The following UPF1 variants were observed in gnomAD, a reference collection of about 807,000 sequenced individuals.
The protein encoded by UPF1 is regulator of nonsense transcripts 1.
A neutral mutation model predicts 129.2 loss-of-function variants in UPF1; 9 were observed. The ratio of observed to expected loss-of-function variants is 0.07; its 90% CI spans 0.04 to 0.12. UPF1 has a LOEUF of 0.12. UPF1 is among the 10% of genes least tolerant of loss of function. UPF1 has a pLI of 1.00. For synonymous variants in UPF1, 649 were observed against 644.9 expected, an observed-to-expected ratio of 1.01 and a Z score of -0.10; for missense variants, 788 against 1,525.3, an observed-to-expected ratio of 0.52 and a Z score of 8.05.
chr19:18,841,117 T>C (rs1394787068), intron 1 of UPF1, among the ~76,000 whole-genome samples: 1 of 152,278 alleles, frequency 6.6e-6, no homozygotes, highest in African/African-American at 2.4e-5. Context: ...TGCGCATAGC[T>C]TGCAGCCCTG....
rs745611997 is a variant in UPF1 at position 18,853,233 on chromosome 19, C to CA, written c.1058-19_1058-18insA. Reference sequence around the variant, plus strand: ...GGCGTGGGTTAAAATGGCCACCTCTCTCACTTTTTTACCTCAAGACATGCG... The same window carrying CA: ...GGCGTGGGTTAAAATGGCCACCTCTCATCACTTTTTTACCTCAAGACATGCG... On this transcript the variant is annotated intron_variant, in intron 7 of 23. Coordinates refer to ENST00000262803, the MANE Select transcript of UPF1 (RefSeq NM_002911.4). The surrounding 1 kb of genome is among the most constrained non-coding windows in gnomAD (Gnocchi z 4.4). 2 of 1,605,592 alleles carry CA rather than the reference C, an allele frequency of 1.2e-6. No individual in the cohort carries two copies. Among genetic ancestry groups the CA allele is most frequent in the Non-Finnish European group, 1.7e-6 (2 of 1,174,856 alleles).
intron 18 of UPF1, 194 bp from the exon 19 acceptor site, chr19:18,863,244 A>G (rs991532979): frequency 4.6e-6 from 3 of 654,404 alleles, no homozygotes; most frequent in African/African-American, 1.8e-5. Flanking sequence ...CACAAAATCA[A>G]CCCGTGTGCA....
intron 3 of UPF1, 186 bp from the exon 4 acceptor site, chr19:18,849,889 T>G: frequency 1.5e-6 from 1 of 649,166 alleles, no homozygotes; most frequent in Non-Finnish European, 2.6e-6. Context: ...TTGGGATTGA[T>G]TTTTGTGCTC....
At chr19:18,849,016 C>G (rs908252733) in intron 3 of UPF1, 4 of 152,260 alleles carry the variant, frequency 2.6e-5, no homozygotes, top group African/African-American at 9.7e-5. Context: ...GCATTCTGTG[C>G]GAGGCCCAGG....
Position 18,847,778 on chromosome 19 carries a change from T to C in UPF1, c.406T>C (p.Tyr136His), listed in dbSNP as rs777749373. 6.2e-7 allele frequency: 1 copy of C among 1,614,228 alleles called. No individual in the cohort carries two copies. Among genetic ancestry groups the C allele is most frequent in the Non-Finnish European group, 8.5e-7 (1 of 1,180,034 alleles). The change falls in exon 3 of 24, where the codon TAC (tyrosine) becomes CAC (histidine). Residue 136 changes from tyrosine (Y) to histidine (H), a missense_variant. By Grantham distance (83) the Tyr-to-His change is moderately conservative. Transcript: ENST00000262803. ...CGIHDPACVV[Y>H]CNTSKKWFCN... ...AATACACGATCCTGCCTGCGTGGTT[T>C]ACTGTAATACCAGCAAGAAGTGGTT...
At chr19:18,862,319 G>A (rs577781558) in intron 18 of UPF1, among the ~76,000 whole-genome samples, 167 bp downstream of exon 18, 1 of 152,134 alleles carries the variant, frequency 6.6e-6, no homozygotes, top group Admixed American at 6.5e-5. Flanking sequence ...TGTCCTGGGG[G>A]TTTGCTGTGG....
intron 1 of UPF1, among the ~76,000 whole-genome samples, chr19:18,834,911 C>T (rs1019356375): frequency 1.3e-5 from 2 of 152,038 alleles, no homozygotes; most frequent in Non-Finnish European, 2.9e-5. Context: ...TGTCAAGTGC[C>T]CTGCAGTCAC....
intron 17 of UPF1, among the ~76,000 whole-genome samples, chr19:18,861,758 G>T (rs577884769): frequency 1.3e-5 from 2 of 152,308 alleles, no homozygotes; most frequent in Non-Finnish European, 2.9e-5. Context: ...AGCCTGGGAG[G>T]TCAAGGCTGC....
chr19:18,854,920 C>T lies in UPF1; in HGVS notation c.1307C>T (p.Ser436Leu). ...AAAACGTTTGCCGTGGATGAGACCT[C>T]GGTGTCTGGCTACATCTACCACAAG... Reference protein sequence around the residue: ...ALKTFAVDETSVSGYIYHKLL... With the variant: ...ALKTFAVDETLVSGYIYHKLL... Residue 436 changes from serine to leucine, a missense_variant, in exon 10 of 24, where the codon TCG (serine) becomes TTG (leucine). This residue lies in a region of UPF1 where 227 missense variants were observed against 517.9 expected (regional missense o/e 0.44). Transcript: ENST00000262803. 1 of 1,614,258 alleles carries T rather than the reference C, an allele frequency of 6.2e-7. No homozygotes were observed. The highest frequency in any genetic ancestry group is 8.5e-7 in the Non-Finnish European group (1 of 1,180,046).
At chr19:18,847,953 C>A in intron 3 of UPF1, 120 bp downstream of exon 3, 1 of 1,020,162 alleles carries the variant, frequency 9.8e-7, no homozygotes, top group African/African-American at 1.6e-5. Context: ...TGGGTTTTTT[C>A]CTCCTCTGTG....
chr19:18,855,380 G>A (rs528133178), intron 11 of UPF1, 138 bp downstream of exon 11: 127 of 877,764 alleles, frequency 1.4e-4, no homozygotes, highest in Non-Finnish European at 1.9e-4. Context: ...GGTGCCTACC[G>A]CTCTCTATGT....
At position 18,866,174 on chromosome 19, in the gene UPF1, C is replaced by A. The variant is rs756283584; in HGVS notation, c.*3+8C>A. 6 of 1,585,030 alleles carry A rather than the reference C, an allele frequency of 3.8e-6. No homozygotes were observed. The highest frequency in any genetic ancestry group is 5.1e-6 in the Non-Finnish European group (6 of 1,165,356). On this transcript the variant is annotated splice_region_variant and intron_variant, in intron 23 of 23. Coordinates refer to ENST00000262803, the MANE Select transcript of UPF1 (RefSeq NM_002911.4). ...CTGTCCCAGTATTAAAAGGCAAGCC[C>A]CCCTGGAGCAGGCCTGGCCCCACCC...
chr19:18,843,518 GTT>G (rs35934501), intron 1 of UPF1, among the ~76,000 whole-genome samples: 4 of 124,016 alleles, frequency 3.2e-5, no homozygotes, highest in Non-Finnish European at 4.9e-5. Flanking sequence ...GACTTTCTTT[GTT>G]TTTTTTTTTT....
chr19:18,863,958 A>G (rs2055810500), intron 19 of UPF1, among the ~76,000 whole-genome samples: 1 of 152,042 alleles, frequency 6.6e-6, no homozygotes, highest in Non-Finnish European at 1.5e-5. Context: ...GCTGAGGCCC[A>G]AGGGTCAGCA....
In UPF1 at chr19:18,860,254, C is replaced by T. The variant is rs574747884; in HGVS notation, c.2183-67C>T. On this transcript the variant is annotated intron_variant, in intron 15 of 23. Coordinates refer to ENST00000262803, the MANE Select transcript of UPF1 (RefSeq NM_002911.4). ...ACTGTAGCGTAGCAACTACATTGCC[C>T]TGTGTCTGAACTCATTTGAGGCGGG... 1.4e-5 allele frequency: 22 copies of T among 1,520,794 alleles called. No homozygotes were observed. In the African/African-American group the frequency reaches 2.5e-4, roughly 17 times the overall value. 94.2% of individuals were successfully genotyped at this position (1,520,794 alleles called of 1,614,324 possible).
Position 18,855,218 on chromosome 19 carries a change from A to C in UPF1, c.1520A>C (p.Tyr507Ser). 6.2e-7 allele frequency: 1 copy of C among 1,612,320 alleles called. No homozygotes were observed. The highest frequency in any genetic ancestry group is 8.5e-7 in the Non-Finnish European group (1 of 1,179,974). ...ACGGTGACGTCGGCCACCATCGTCT[A>C]CCACCTGGCCCGGCAAGGCAACGGG... ...GKTVTSATIV[Y>S]HLARQGNGPV... is the part of the protein sequence containing the mutation. The change falls in exon 11 of 24, where the codon TAC (tyrosine) becomes TCC (serine). Residue 507 changes from tyrosine to serine, a missense_variant. This residue lies in a region of UPF1 where 91 missense variants were observed against 157.2 expected (regional missense o/e 0.58). Coordinates refer to ENST00000262803, the MANE Select transcript of UPF1 (RefSeq NM_002911.4).
chr19:18,858,936 G>A (rs964904155), intron 15 of UPF1, among the ~76,000 whole-genome samples: 5 of 152,298 alleles, frequency 3.3e-5, no homozygotes, highest in East Asian at 1.9e-4. Context: ...GAAAGCTGCC[G>A]ACACAGCGCC....
intron 6 of UPF1, among the ~76,000 whole-genome samples, chr19:18,852,511 T>G (rs1180588843): frequency 6.6e-6 from 1 of 152,192 alleles, no homozygotes; most frequent in African/African-American, 2.4e-5. Flanking sequence ...GTTTTCTGTT[T>G]AAATCCAACA....
chr19:18,866,280 C>G (rs2055843125), intron 23 of UPF1, 114 bp downstream of exon 23: 2 of 1,408,024 alleles, frequency 1.4e-6, no homozygotes, highest in Admixed American at 3.0e-5. Flanking sequence ...GTGTGCTGTG[C>G]CTGGTGGGGG....
Sources: gnomAD v4.1 joint callset for allele counts (sites outside exome capture counted in the v4.1 genomes callset) on GRCh38, gnomAD v4.1.1 for gene constraint, gnomAD v4.1.1 regional missense constraint, Gnocchi (gnomAD v3.1) non-coding constraint, MANE v1.5 for transcripts, NCBI Gene and HGNC (gene_info 2026-07-23, HGNC 2026-07-21) for gene names.